The following CCDC171 variants were observed in gnomAD, a reference collection of about 807,000 sequenced individuals.
CCDC171 encodes the protein coiled-coil domain containing 171.
Under a neutral mutation model 168.2 loss-of-function variants are expected in CCDC171, and 177 were observed. That is an observed-to-expected ratio of 1.05 (90% CI 0.93 to 1.19). The LOEUF (loss-of-function observed/expected upper bound fraction) is 1.19. Ranked by LOEUF, CCDC171 falls within the 50% of genes most tolerant of loss-of-function variation. CCDC171 has a pLI of 0.00. For synonymous variants in CCDC171, 687 were observed against 540.8 expected, an observed-to-expected ratio of 1.27 and a Z score of -3.75; for missense variants, 1,991 against 1,539.0, an observed-to-expected ratio of 1.29 and a Z score of -4.91.
chr9:15,672,383 T>C (rs549724692), intron 9 of CCDC171, among the ~76,000 whole-genome samples: 2 of 152,338 alleles, frequency 1.3e-5, no homozygotes, highest in African/African-American at 4.8e-5. Flanking sequence ...ATTTTGACTT[T>C]TGTTGCCATT....
At chr9:15,627,730 A>G (rs1490212844) in intron 7 of CCDC171, among the ~76,000 whole-genome samples, 1 of 152,278 alleles carries the variant, frequency 6.6e-6, no homozygotes, top group East Asian at 1.9e-4. Context: ...GGAGTGCTTC[A>G]CTTCCAACTT....
At chr9:15,752,987 TATTA>T (rs1463793354) in intron 18 of CCDC171, among the ~76,000 whole-genome samples, 1 of 152,200 alleles carries the variant, frequency 6.6e-6, no homozygotes, top group African/African-American at 2.4e-5. Flanking sequence ...TTGTTTATGT[TATTA>T]ATTTATTTAA....
intron 10 of CCDC171, among the ~76,000 whole-genome samples, chr9:15,686,693 T>C (rs185714577): frequency 1.3e-5 from 2 of 152,000 alleles, no homozygotes; most frequent in East Asian, 3.9e-4. Context: ...GTTAAAAGGG[T>C]CAATCCACCA....
At chr9:15,734,639 G>A (rs2054370068) in intron 16 of CCDC171, among the ~76,000 whole-genome samples, 1 of 151,894 alleles carries the variant, frequency 6.6e-6, no homozygotes, top group Non-Finnish European at 1.5e-5. Flanking sequence ...ATACACTGCA[G>A]CAATTTATTT....
chr9:15,953,413 C>T (rs1829431833), intron 25 of CCDC171, among the ~76,000 whole-genome samples: 1 of 152,088 alleles, frequency 6.6e-6, no homozygotes. Context: ...TAATCAAATG[C>T]TTGTATGCGT....
intron 11 of CCDC171, among the ~76,000 whole-genome samples, chr9:15,706,435 A>T (rs945086779): frequency 3.3e-5 from 5 of 151,866 alleles, no homozygotes; most frequent in African/African-American, 4.8e-5. Context: ...ACTACAGCAC[A>T]TGCCATCATG....
chr9:15,693,473 C>CA lies in CCDC171; in HGVS notation c.1216-1750dup, dbSNP rs59900551. Among the ~76,000 whole-genome samples the CA allele has an allele frequency of 2.7e-3, 381 of 141,192 alleles. 1 individual carries two copies. Among genetic ancestry groups the CA allele is most frequent in the Non-Finnish European group, 4.3e-3 (274 of 63,540 alleles). 92.6% of individuals were successfully genotyped at this position (141,192 alleles called of 152,430 possible). A position where few individuals can be genotyped will look rare whatever the true frequency, so the allele number is the denominator to read the frequency against. On this transcript the variant is annotated intron_variant, in intron 10 of 25. Coordinates refer to ENST00000380701, the MANE Select transcript of CCDC171 (RefSeq NM_173550.4). ...AACACTGGGGATACACTGGTGAGGA[C>CA]AAAAAAAAAAAACAGACATTTACTC...
intron 24 of CCDC171, among the ~76,000 whole-genome samples, chr9:15,919,880 T>G (rs1449670045): frequency 6.6e-6 from 1 of 151,704 alleles, no homozygotes; most frequent in African/African-American, 2.4e-5. Flanking sequence ...CTAACTCAGC[T>G]TATTTTGAAA....
chr9:15,866,484 G>C (rs943404141), intron 23 of CCDC171, among the ~76,000 whole-genome samples: 2 of 151,980 alleles, frequency 1.3e-5, no homozygotes, highest in Non-Finnish European at 2.9e-5. Flanking sequence ...TGATTCCCCT[G>C]ATGGGGCAAA....
At chr9:16,081,911 A>C in the CCDC171 span, among the ~76,000 whole-genome samples, 1 of 151,932 alleles carries the variant, frequency 6.6e-6, no homozygotes, top group Non-Finnish European at 1.5e-5. Flanking sequence ...ACTCTTCTCC[A>C]CTGATCTAAT....
chr9:15,826,551 C>A (rs2060020211), intron 21 of CCDC171, among the ~76,000 whole-genome samples: 2 of 152,120 alleles, frequency 1.3e-5, no homozygotes, highest in African/African-American at 2.4e-5. Flanking sequence ...TTCTCTCTCT[C>A]AATTTTCTCT....
chr9:15,927,068 TG>T (rs1337767476), intron 25 of CCDC171, among the ~76,000 whole-genome samples: 2 of 151,740 alleles, frequency 1.3e-5, no homozygotes, highest in African/African-American at 4.8e-5. Flanking sequence ...GTCATGTCAT[TG>T]TAATGCATAT....
intron 7 of CCDC171, among the ~76,000 whole-genome samples, chr9:15,653,647 C>T (rs1042236144): frequency 6.6e-6 from 1 of 152,180 alleles, no homozygotes; most frequent in Non-Finnish European, 1.5e-5. Context: ...TTTATGAACA[C>T]TAACCCCCAC....
chr9:15,592,331 C>A (rs2042061328), intron 5 of CCDC171, among the ~76,000 whole-genome samples: 1 of 151,606 alleles, frequency 6.6e-6, no homozygotes, highest in Non-Finnish European at 1.5e-5. Flanking sequence ...TATAGTGAGA[C>A]CCTGTCTCCC....
At chr9:16,073,896 G>A in the CCDC171 span, among the ~76,000 whole-genome samples, 4 of 152,188 alleles carry the variant, frequency 2.6e-5, no homozygotes, top group African/African-American at 4.8e-5. Flanking sequence ...ATTGGGAAGA[G>A]GGCTTTCAAA....
At chr9:15,670,873 T>G (rs2049059600) in intron 9 of CCDC171, among the ~76,000 whole-genome samples, 1 of 152,136 alleles carries the variant, frequency 6.6e-6, no homozygotes, top group Admixed American at 6.5e-5. Context: ...CTGGATGTGG[T>G]GGCTTATACC....
intron 6 of CCDC171, among the ~76,000 whole-genome samples, chr9:15,601,478 C>T (rs934874442): frequency 6.6e-6 from 1 of 152,118 alleles, no homozygotes; most frequent in Non-Finnish European, 1.5e-5. Flanking sequence ...CTCTTGTATT[C>T]TGTTTGTAGT....
At chr9:15,772,824 A>C (rs909205064) in intron 18 of CCDC171, among the ~76,000 whole-genome samples, 6 of 152,316 alleles carry the variant, frequency 3.9e-5, no homozygotes, top group Admixed American at 6.5e-5. Context: ...AGATATGGCC[A>C]TGACTACAGA....
At chr9:15,655,632 G>A (rs78471721) in intron 7 of CCDC171, among the ~76,000 whole-genome samples, 1,764 of 152,256 alleles carry the variant, frequency 0.012, 37 homozygotes, top group African/African-American at 0.041. Flanking sequence ...GACGTAGACT[G>A]GGAGAAAACA....
Sources: allele counts gnomAD v4.1 joint callset (sites outside exome capture counted in the v4.1 genomes callset), GRCh38; gene constraint gnomAD v4.1.1; transcripts MANE v1.5; gene names NCBI Gene and HGNC (gene_info 2026-07-23, HGNC 2026-07-21).